Variants in PARD3 observed in about 807,000 individuals in gnomAD.
PARD3 encodes par-3 family cell polarity regulator, also known as partitioning defective 3 homolog.
In PARD3, 75 loss-of-function variants were observed where a neutral mutation model predicts 155.4. That is an observed-to-expected ratio of 0.48 (90% CI 0.40 to 0.58). The LOEUF (loss-of-function observed/expected upper bound fraction) is 0.58. Ranked by LOEUF, PARD3 falls within the 20% of genes least tolerant of loss-of-function variation. PARD3 has a pLI of 0.00. For synonymous variants in PARD3, 576 were observed against 610.5 expected (o/e 0.94, Z 0.83); for missense variants, 1,642 against 1,721.7 (o/e 0.95, Z 0.82).
At chr10:34,506,705 A>C (rs1449439054) in intron 3 of PARD3, among the ~76,000 whole-genome samples, 1 of 152,212 alleles carries the variant, frequency 6.6e-6, no homozygotes, top group Non-Finnish European at 1.5e-5. Context: ...CTAGGTATGG[A>C]AAATATATCT....
chr10:34,614,904 C>T lies in PARD3; in HGVS notation c.222+81414G>A, dbSNP rs370761492. 5.9e-5 allele frequency among the ~76,000 whole-genome samples: 9 copies of T among 152,314 alleles called. No homozygotes were observed. In the East Asian group the frequency reaches 9.6e-4, roughly 16 times the overall value. On this transcript the variant is annotated intron_variant, in intron 2 of 24. Coordinates refer to ENST00000374788, the MANE Select transcript of PARD3 (RefSeq NM_001184785.2). Reference sequence around the variant, plus strand: ...TTTAAAAAACGCAAAGCAGGCCGGGCACGGTGGCTCATGCCTGTAATCCCA... The same window carrying T: ...TTTAAAAAACGCAAAGCAGGCCGGGTACGGTGGCTCATGCCTGTAATCCCA...
intron 2 of PARD3, among the ~76,000 whole-genome samples, chr10:34,603,968 G>A (rs1361133361): frequency 6.6e-6 from 1 of 152,100 alleles, no homozygotes; most frequent in East Asian, 1.9e-4. Flanking sequence ...TTCAGTCCCA[G>A]GTGCGTCCAG....
chr10:34,617,771 C>A (rs913297291), intron 2 of PARD3, among the ~76,000 whole-genome samples: 2 of 152,118 alleles, frequency 1.3e-5, no homozygotes, highest in African/African-American at 4.8e-5. Context: ...GGACTGGCTT[C>A]ATAAATTTAA....
chr10:34,542,228 T>TGCAC (rs1254526586), intron 2 of PARD3, among the ~76,000 whole-genome samples: 4 of 4,732 alleles, frequency 8.5e-4, no homozygotes, highest in African/African-American at 1.1e-3. Flanking sequence ...TGTGTGTGTG[T>TGCAC]GTGTGTGTGT....
intron 1 of PARD3, among the ~76,000 whole-genome samples, chr10:34,786,440 T>C (rs1482466702): frequency 6.6e-6 from 1 of 152,214 alleles, no homozygotes; most frequent in Non-Finnish European, 1.5e-5. Context: ...AAAATACATA[T>C]TTTACAGCAG....
intron 22 of PARD3, among the ~76,000 whole-genome samples, chr10:34,268,054 A>T (rs1955414828): frequency 6.6e-6 from 1 of 152,230 alleles, no homozygotes; most frequent in South Asian, 2.1e-4. Context: ...TGACAATAAC[A>T]TGCGTATGTC....
chr10:34,654,746 C>T (rs2093117185), intron 2 of PARD3, among the ~76,000 whole-genome samples: 2 of 152,152 alleles, frequency 1.3e-5, no homozygotes, highest in African/African-American at 2.4e-5. Context: ...GTCACTCTCC[C>T]GCAGACACTC....
chr10:34,432,594 G>A (rs1413236257), intron 5 of PARD3, among the ~76,000 whole-genome samples: 4 of 152,190 alleles, frequency 2.6e-5, no homozygotes, highest in Non-Finnish European at 5.9e-5. Flanking sequence ...GAACACATAG[G>A]TTGCTATATA....
At chr10:34,246,359 G>A (rs899755834) in intron 22 of PARD3, among the ~76,000 whole-genome samples, 1 of 152,160 alleles carries the variant, frequency 6.6e-6, no homozygotes, top group Non-Finnish European at 1.5e-5. Flanking sequence ...AGGAACTGGG[G>A]ACCAAGATGG....
intron 15 of PARD3, chr10:34,343,905 A>G: frequency 1.0e-6 from 1 of 983,058 alleles, no homozygotes; most frequent in Non-Finnish European, 1.2e-6. Flanking sequence ...TCATTGGCAA[A>G]TTTACATAGA....
intron 3 of PARD3, among the ~76,000 whole-genome samples, chr10:34,515,826 T>G (rs537482899): frequency 1.3e-5 from 2 of 151,998 alleles, no homozygotes; most frequent in South Asian, 4.1e-4. Context: ...TAATTATATA[T>G]ATATTTTATT....
chr10:34,462,194 C>T (rs532912186), intron 4 of PARD3, among the ~76,000 whole-genome samples: 1 of 152,310 alleles, frequency 6.6e-6, no homozygotes, highest in Admixed American at 6.5e-5. Flanking sequence ...CTGGATCTCC[C>T]TTGAAACTAA....
chr10:34,325,166 C>T (rs1237652656), intron 19 of PARD3, among the ~76,000 whole-genome samples: 1 of 152,040 alleles, frequency 6.6e-6, no homozygotes, highest in African/African-American at 2.4e-5. Context: ...TGCAGCACCA[C>T]GCCTGGCTAA....
rs5784413 is a variant in PARD3 at position 34,400,825 on chromosome 10, CT to C, written c.806+1000del. Among the ~76,000 whole-genome samples, 713 of 146,344 alleles carry C rather than the reference CT, an allele frequency of 4.9e-3. 3 individuals carry two copies. Among genetic ancestry groups the C allele is most frequent in the Non-Finnish European group, 6.9e-3 (457 of 65,966 alleles). On this transcript the variant is annotated intron_variant, in intron 6 of 24. Transcript: ENST00000374788. ...AAATGGTTAAATGGATTTTTTATTA[CT>C]TTTTTTTTTTTACCAAATTTCATAA...
At chr10:34,522,812 C>T (rs552599084) in intron 2 of PARD3, among the ~76,000 whole-genome samples, 1 of 152,242 alleles carries the variant, frequency 6.6e-6, no homozygotes, top group Non-Finnish European at 1.5e-5. Context: ...GAAGCAAAGC[C>T]GAGCCTCAGA....
chr10:34,261,702 AAGAAAGGAAGGAAGAAAGG>A (rs1954975309), intron 22 of PARD3, among the ~76,000 whole-genome samples: 4 of 34,992 alleles, frequency 1.1e-4, no homozygotes, highest in African/African-American at 2.4e-4. Context: ...GAAAGAAAGG[AAGAAAGGAAGGAAGAAAGG>A]AAGAAAGGAA....
chr10:34,289,112 T>C (rs1282243546), intron 20 of PARD3, among the ~76,000 whole-genome samples: 1 of 151,806 alleles, frequency 6.6e-6, no homozygotes, highest in Non-Finnish European at 1.5e-5. Flanking sequence ...AGGTGCATGG[T>C]ACCTACCATG....
chr10:34,349,095 G>A (rs1175369597), intron 14 of PARD3, among the ~76,000 whole-genome samples: 3 of 152,160 alleles, frequency 2.0e-5, no homozygotes, highest in Non-Finnish European at 4.4e-5. Context: ...CAGACAGGAA[G>A]GGCCAATGTG....
At chr10:34,538,786 G>A (rs939479346) in intron 2 of PARD3, among the ~76,000 whole-genome samples, 9 of 152,314 alleles carry the variant, frequency 5.9e-5, no homozygotes, top group Non-Finnish European at 8.8e-5. Context: ...GCGCCGCTCC[G>A]GCAGGGCACC....
Sources: gnomAD v4.1 joint callset for allele counts (sites outside exome capture counted in the v4.1 genomes callset) on GRCh38, gnomAD v4.1.1 for gene constraint, MANE v1.5 for transcripts, NCBI Gene and HGNC (gene_info 2026-07-23, HGNC 2026-07-21) for gene names.